PDE1A: variants seen among roughly 807,000 people sequenced by gnomAD.
PDE1A encodes phosphodiesterase 1A.
A neutral mutation model predicts 61.7 loss-of-function variants in PDE1A; 35 were observed. The ratio of observed to expected loss-of-function variants is 0.57; its 90% CI spans 0.43 to 0.75. The LOEUF (loss-of-function observed/expected upper bound fraction) is 0.75, where lower values mean the gene tolerates loss of function less well. Among genes scored for constraint, PDE1A ranks in the 30% least tolerant of loss-of-function variants. The pLI is 0.00. For missense variants in PDE1A, 597 were observed against 630.6 expected (o/e 0.95, Z 0.57); for synonymous variants, 232 against 213.2 (o/e 1.09, Z -0.77).
At chr2:182,594,301 G>A in the PDE1A span, among the ~76,000 whole-genome samples, 142 of 152,244 alleles carry the variant, frequency 9.3e-4, 1 homozygote, top group African/African-American at 3.2e-3. Flanking sequence ...AATCTAAAAT[G>A]TGGACATCTC....
intron 2 of PDE1A, among the ~76,000 whole-genome samples, chr2:182,243,272 C>T (rs1451416132): frequency 1.3e-5 from 2 of 151,810 alleles, no homozygotes; most frequent in East Asian, 3.9e-4. Flanking sequence ...AAAAGAAAGA[C>T]TAAAAATAAA....
intron 1 of PDE1A, among the ~76,000 whole-genome samples, chr2:182,319,077 G>T (rs897007430): frequency 6.6e-6 from 1 of 151,974 alleles, no homozygotes; most frequent in African/African-American, 2.4e-5. Flanking sequence ...GTCATGTATT[G>T]ATTTTCCCAT....
chr2:182,426,593 T>C, exon 1 of PDE1A: 1 of 1,611,150 alleles, frequency 6.2e-7, no homozygotes, highest in Non-Finnish European at 8.5e-7. Flanking sequence ...GATGGGTCTT[T>C]GGAGATGTTT....
the PDE1A span, among the ~76,000 whole-genome samples, chr2:182,711,753 C>A: frequency 7.9e-5 from 12 of 152,274 alleles, no homozygotes; most frequent in East Asian, 2.3e-3. Context: ...CATAAGCCAG[C>A]TTGAAAGAAT....
At chr2:182,223,310 A>G (rs557910068) in intron 7 of PDE1A, among the ~76,000 whole-genome samples, 1 of 152,134 alleles carries the variant, frequency 6.6e-6, no homozygotes, top group South Asian at 2.1e-4. Context: ...TAAGCCACCC[A>G]TTCTGTGGTA....
intron 1 of PDE1A, among the ~76,000 whole-genome samples, chr2:182,365,725 C>T (rs1167128838): frequency 6.6e-6 from 1 of 151,948 alleles, no homozygotes; most frequent in Non-Finnish European, 1.5e-5. Flanking sequence ...TTAAAATGTG[C>T]TGACCCATCC....
exon 14 of PDE1A, chr2:182,168,205 A>G (rs376655656): frequency 6.4e-7 from 1 of 1,568,540 alleles, no homozygotes; most frequent in African/African-American, 1.4e-5. Flanking sequence ...CTTTTGGTCA[A>G]ATTAGAGCTG....
the PDE1A span, among the ~76,000 whole-genome samples, chr2:182,625,622 T>G: frequency 7.2e-5 from 11 of 152,346 alleles, no homozygotes; most frequent in East Asian, 1.9e-3. Flanking sequence ...TCACTGGTCC[T>G]GACAGAGTCT....
the PDE1A span, among the ~76,000 whole-genome samples, chr2:182,687,493 T>C: frequency 6.6e-6 from 1 of 152,028 alleles, no homozygotes; most frequent in African/African-American, 2.4e-5. Flanking sequence ...AAAGGAAAAC[T>C]AACAAACAGA....
chr2:182,484,767 G>A (rs1687911822), intron 2 of PDE1A, among the ~76,000 whole-genome samples: 1 of 151,310 alleles, frequency 6.6e-6, no homozygotes, highest in Non-Finnish European at 1.5e-5. Context: ...GAAAAAAAAA[G>A]CTCAAAATCA....
intron 10 of PDE1A, among the ~76,000 whole-genome samples, chr2:182,196,990 G>A (rs1238083581): frequency 6.6e-6 from 1 of 151,702 alleles, no homozygotes; most frequent in Non-Finnish European, 1.5e-5. Context: ...TTCAGTAGAT[G>A]ATATCCAGTA....
chr2:182,258,891 C>G lies in PDE1A; in HGVS notation c.167+5410G>C, dbSNP rs73032404. Reference sequence around the variant, plus strand: ...TGCTTGGGTCTCTCTCTAAATCTCTCTGTTTCTTGTTTGAGCATTTGTTCT... The same window carrying G: ...TGCTTGGGTCTCTCTCTAAATCTCTGTGTTTCTTGTTTGAGCATTTGTTCT... On this transcript the variant is annotated intron_variant, in intron 2 of 13. Transcript: ENST00000351439. 9.0e-3 allele frequency among the ~76,000 whole-genome samples: 1,364 copies of G among 152,268 alleles called. 19 individuals are homozygous for G. The highest frequency in any genetic ancestry group is 0.03 in the African/African-American group (1,257 of 41,544).
At chr2:182,526,494 A>G (rs1690776417), upstream of PDE1A, among the ~76,000 whole-genome samples, 3 of 152,240 alleles carry the variant, frequency 2.0e-5, no homozygotes, top group Admixed American at 2.0e-4. Context: ...CATGTAGTCA[A>G]TTTGTGGACA....
chr2:182,538,477 A>G, the PDE1A span, among the ~76,000 whole-genome samples: 2 of 152,302 alleles, frequency 1.3e-5, no homozygotes, highest in South Asian at 4.1e-4. Context: ...ATTAATTTAG[A>G]GAATTTTATT....
chr2:182,605,710 C>A, the PDE1A span, among the ~76,000 whole-genome samples: 1 of 152,238 alleles, frequency 6.6e-6, no homozygotes, highest in Non-Finnish European at 1.5e-5. Flanking sequence ...CCTCTGTTAT[C>A]CCCTCCTAAA....
At chr2:182,688,557 T>C in the PDE1A span, among the ~76,000 whole-genome samples, 1 of 152,088 alleles carries the variant, frequency 6.6e-6, no homozygotes, top group Non-Finnish European at 1.5e-5. Context: ...ACAACCGGTA[T>C]CAGCCACTGC....
chr2:182,566,061 A>G, the PDE1A span, among the ~76,000 whole-genome samples: 1 of 152,162 alleles, frequency 6.6e-6, no homozygotes, highest in African/African-American at 2.4e-5. Flanking sequence ...ATGAAATGCA[A>G]GAGATTTCAA....
intron 1 of PDE1A, among the ~76,000 whole-genome samples, chr2:182,376,130 G>C (rs10931009): frequency 6.6e-6 from 1 of 152,132 alleles, no homozygotes; most frequent in Non-Finnish European, 1.5e-5. Context: ...TTGTCTTGGG[G>C]TTTAACATTT....
At chr2:182,531,754 G>A in the PDE1A span, among the ~76,000 whole-genome samples, 18 of 152,100 alleles carry the variant, frequency 1.2e-4, no homozygotes, top group Non-Finnish European at 2.2e-4. Context: ...ACAATGTGCA[G>A]GTTTGTTACA....
Sources: allele counts gnomAD v4.1 joint callset (sites outside exome capture counted in the v4.1 genomes callset), GRCh38; gene constraint gnomAD v4.1.1; transcripts MANE v1.5; gene names NCBI Gene and HGNC (gene_info 2026-07-23, HGNC 2026-07-21).